CNTNAP5: variants seen among roughly 807,000 people sequenced by gnomAD.
The protein encoded by CNTNAP5 is contactin-associated protein-like 5.
Under a neutral mutation model 150.2 loss-of-function variants are expected in CNTNAP5, and 72 were observed. The ratio of observed to expected loss-of-function variants is 0.48; its 90% CI spans 0.40 to 0.58. CNTNAP5 has a LOEUF of 0.58. Among genes scored for constraint, CNTNAP5 ranks in the 20% least tolerant of loss-of-function variants. The pLI, the probability that CNTNAP5 is intolerant of heterozygous loss-of-function variation, is 0.00. For synonymous variants in CNTNAP5, 672 were observed against 619.8 expected (o/e 1.08, Z -1.25); for missense variants, 1,636 against 1,626.2 (o/e 1.01, Z -0.10).
chr2:124,795,459 A>T (rs1681824912), intron 18 of CNTNAP5, among the ~76,000 whole-genome samples: 2 of 152,130 alleles, frequency 1.3e-5, no homozygotes, highest in Non-Finnish European at 1.5e-5. Flanking sequence ...TAACACATCA[A>T]GCCCAAGGTT....
At chr2:124,588,184 C>CTTTA (rs1558966057) in intron 11 of CNTNAP5, among the ~76,000 whole-genome samples, 194 of 115,184 alleles carry the variant, frequency 1.7e-3, no homozygotes, top group South Asian at 0.011. Context: ...TTCCTTCTTT[C>CTTTA]TTTCTTTCTT....
intron 1 of CNTNAP5, among the ~76,000 whole-genome samples, chr2:124,182,499 G>A (rs565900727): frequency 3.3e-5 from 5 of 152,202 alleles, no homozygotes; most frequent in African/African-American, 1.2e-4. Flanking sequence ...ACCTTGTATC[G>A]ATCAAGACGA....
At chr2:124,795,006 C>G (rs568839971) in intron 18 of CNTNAP5, among the ~76,000 whole-genome samples, 10 of 152,138 alleles carry the variant, frequency 6.6e-5, no homozygotes, top group African/African-American at 2.4e-4. Flanking sequence ...TTAATTACAG[C>G]TTGGATGATT....
intron 3 of CNTNAP5, among the ~76,000 whole-genome samples, chr2:124,294,626 T>C (rs1221178719): frequency 6.6e-6 from 1 of 152,130 alleles, no homozygotes; most frequent in African/African-American, 2.4e-5. Flanking sequence ...AAGAAGGGAA[T>C]GTAGAGGTAT....
At chr2:124,602,444 C>T (rs551262414) in intron 11 of CNTNAP5, among the ~76,000 whole-genome samples, 106 of 150,858 alleles carry the variant, frequency 7.0e-4, no homozygotes, top group African/African-American at 2.5e-3. Flanking sequence ...ATTTTTATTT[C>T]GACTATCCCC....
chr2:124,342,724 A>G (rs1689647998), intron 3 of CNTNAP5, among the ~76,000 whole-genome samples: 1 of 152,208 alleles, frequency 6.6e-6, no homozygotes, highest in Non-Finnish European at 1.5e-5. Flanking sequence ...TGTTCACAAA[A>G]GTACACATTA....
chr2:124,236,572 C>A (rs1021057113), intron 2 of CNTNAP5, among the ~76,000 whole-genome samples: 6 of 152,136 alleles, frequency 3.9e-5, no homozygotes, highest in Non-Finnish European at 8.8e-5. Flanking sequence ...TATGGGAGAG[C>A]CTCTTTCTGT....
intron 5 of CNTNAP5, among the ~76,000 whole-genome samples, chr2:124,437,323 T>C (rs1379577559): frequency 6.6e-6 from 1 of 152,138 alleles, no homozygotes; most frequent in Non-Finnish European, 1.5e-5. Context: ...ATTTACAGAA[T>C]ATTCACAGTG....
intron 19 of CNTNAP5, among the ~76,000 whole-genome samples, chr2:124,813,868 G>C (rs982865863): frequency 4.0e-5 from 6 of 151,730 alleles, no homozygotes; most frequent in Non-Finnish European, 7.4e-5. Context: ...TTTATACAAA[G>C]ATAGCTTTGG....
chr2:124,764,624 A>ATGGACAG (rs1681029405), intron 16 of CNTNAP5, among the ~76,000 whole-genome samples: 1 of 152,164 alleles, frequency 6.6e-6, no homozygotes, highest in Non-Finnish European at 1.5e-5. Context: ...CCACTTCCCC[A>ATGGACAG]TGGACAGTGG....
At chr2:124,641,565 G>C (rs1678095114) in intron 12 of CNTNAP5, among the ~76,000 whole-genome samples, 1 of 152,210 alleles carries the variant, frequency 6.6e-6, no homozygotes, top group Non-Finnish European at 1.5e-5. Context: ...GGTAGAGACA[G>C]TACTTTGAGG....
intron 12 of CNTNAP5, among the ~76,000 whole-genome samples, chr2:124,631,541 TC>T (rs1677860711): frequency 6.6e-6 from 1 of 152,028 alleles, no homozygotes; most frequent in Non-Finnish European, 1.5e-5. Flanking sequence ...CGAAACTAGA[TC>T]CCTTCCTTAC....
intron 7 of CNTNAP5, among the ~76,000 whole-genome samples, chr2:124,489,604 T>C (rs1019093948): frequency 6.6e-6 from 1 of 152,182 alleles, no homozygotes; most frequent in African/African-American, 2.4e-5. Flanking sequence ...AGAGCTTGTG[T>C]GAGCAGTCTT....
intron 13 of CNTNAP5, among the ~76,000 whole-genome samples, chr2:124,694,601 A>G (rs1679366854): frequency 6.6e-6 from 1 of 152,188 alleles, no homozygotes; most frequent in Non-Finnish European, 1.5e-5. Context: ...TTTAATGGTA[A>G]TGTTTAATAA....
At chr2:124,544,461 C>A (rs754443301) in intron 10 of CNTNAP5, among the ~76,000 whole-genome samples, 3 of 152,182 alleles carry the variant, frequency 2.0e-5, no homozygotes, top group Non-Finnish European at 2.9e-5. Context: ...ATCCTCTTCT[C>A]AGACTGAGTT....
chr2:124,115,532 G>A (rs1036904483), intron 1 of CNTNAP5, among the ~76,000 whole-genome samples: 3 of 152,062 alleles, frequency 2.0e-5, no homozygotes, highest in Admixed American at 6.6e-5. Context: ...AGGCCTTAAG[G>A]TAGGAAAAGA....
chr2:124,547,432 A>G (rs183090270), intron 10 of CNTNAP5, among the ~76,000 whole-genome samples: 5 of 152,330 alleles, frequency 3.3e-5, no homozygotes, highest in South Asian at 4.1e-4. Context: ...CCCGGGATAG[A>G]ACTTAAATTG....
At chr2:124,289,310 C>A (rs910846695) in intron 3 of CNTNAP5, among the ~76,000 whole-genome samples, 6 of 152,156 alleles carry the variant, frequency 3.9e-5, no homozygotes, top group Non-Finnish European at 4.4e-5. Context: ...AAATAGGTGA[C>A]TAAGCTATTG....
intron 11 of CNTNAP5, among the ~76,000 whole-genome samples, chr2:124,588,177 C>CTTCTTTAT (rs1696591426): frequency 9.0e-6 from 1 of 110,820 alleles, no homozygotes; most frequent in Non-Finnish European, 2.0e-5. Flanking sequence ...TCCTTCCTTC[C>CTTCTTTAT]TTCTTTCTTT....
Sources: allele counts gnomAD v4.1 joint callset (sites outside exome capture counted in the v4.1 genomes callset), GRCh38; gene constraint gnomAD v4.1.1; transcripts MANE v1.5; gene names NCBI Gene and HGNC (gene_info 2026-07-23, HGNC 2026-07-21).